MPP1: variants seen among roughly 807,000 people sequenced by gnomAD.
MPP1 encodes the protein 55 kDa erythrocyte membrane protein.
In MPP1, 6 loss-of-function variants were observed where a neutral mutation model predicts 38.2. The observed-to-expected ratio is 0.16, with a 90% CI of 0.09 to 0.31. The LOEUF (loss-of-function observed/expected upper bound fraction) is 0.31. MPP1 is among the 10% of genes least tolerant of loss of function. The probability of loss-of-function intolerance (pLI) is 1.00; values close to 1 mark genes in which losing one functional copy is unlikely to be tolerated. For missense variants in MPP1, 293 were observed against 368.9 expected (o/e 0.79, Z 1.69); for synonymous variants, 153 against 146.3 (o/e 1.05, Z -0.33).
chrX:154,788,368 G>A (rs1028143029), intron 5 of MPP1, among the ~76,000 whole-genome samples: 1 of 111,679 alleles, frequency 9.0e-6, no homozygotes, highest in African/African-American at 3.3e-5. Flanking sequence ...TCTTACAAAA[G>A]AGGATATCCA....
At chrX:154,802,222 C>T (rs148441061) in intron 1 of MPP1, among the ~76,000 whole-genome samples, 2 of 112,578 alleles carry the variant, frequency 1.8e-5, no homozygotes, top group African/African-American at 3.2e-5. Context: ...TGCTCCACAG[C>T]GCTCCACAGC....
intron 1 of MPP1, 121 bp downstream of exon 1, chrX:154,805,151 G>A: frequency 1.4e-6 from 1 of 716,155 alleles, no homozygotes; most frequent in Non-Finnish European, 2.0e-6. Context: ...CGCGGTCTCC[G>A]ACCTATGGCC....
At chrX:154,785,624 C>T (rs1199639956) in intron 6 of MPP1, among the ~76,000 whole-genome samples, 4 of 112,395 alleles carry the variant, frequency 3.6e-5, no homozygotes, top group South Asian at 7.3e-4. Context: ...TCAGTGTCAA[C>T]CCCACAATGG....
Position 154,805,319 on chromosome X carries a change from A to C in MPP1, c.55T>G (p.Ser19Ala). Residue 19 changes from serine (S) to alanine (A), a missense_variant, in exon 1 of 12, where the codon TCC (serine) becomes GCC (alanine). Ser to Ala is a moderately conservative substitution (Grantham distance 99, BLOSUM62 1). Coordinates refer to ENST00000369534, the MANE Select transcript of MPP1 (RefSeq NM_002436.4). ...AGCAAATGCTCCAGGTAGAGGTCGG[A>C]GAGCGCCGTGTGCATGCTGCCCCCA... ...ESGGSMHTALSDLYLEHLLQK... is the reference protein window; with the variant it reads ...ESGGSMHTALADLYLEHLLQK... 1 of 1,208,346 alleles carries C rather than the reference A, an allele frequency of 8.3e-7. No individual in the cohort carries two copies. The highest frequency in any genetic ancestry group is 3.0e-5 in the East Asian group (1 of 33,766).
chrX:154,784,511 A>G (rs1300884313), intron 7 of MPP1, among the ~76,000 whole-genome samples: 1 of 110,845 alleles, frequency 9.0e-6, no homozygotes, highest in Non-Finnish European at 1.9e-5. Context: ...CAGCTGCTCA[A>G]GATAGAGACC....
chrX:154,790,046 A>G lies in MPP1; in HGVS notation c.412-24T>C, dbSNP rs781932966. The G allele has an allele frequency of 4.9e-5, 52 of 1,057,964 alleles. No individual in the cohort carries two copies. In the Admixed American group the frequency reaches 7.2e-4, roughly 15 times the overall value. 87.2% of individuals were successfully genotyped at this position (1,057,964 alleles called of 1,213,427 possible). A position where few individuals can be genotyped will look rare whatever the true frequency, so the allele number is the denominator to read the frequency against. On this transcript the variant is annotated intron_variant, in intron 4 of 11. Coordinates refer to ENST00000369534, the MANE Select transcript of MPP1 (RefSeq NM_002436.4). ...TTCTATTAAAAAAAATGGACATAAA[A>G]TTGTACAGAAAACTAAGTTGAATGA...
Position 154,805,327 on chromosome X carries a change from G to A in MPP1, c.47C>T (p.Thr16Met), listed in dbSNP as rs141530265. 5.2e-4 allele frequency: 622 copies of A among 1,207,164 alleles called. No individual in the cohort carries two copies. The highest frequency in any genetic ancestry group is 6.3e-4 in the Non-Finnish European group (559 of 893,238). Residue 16 changes from threonine (T) to methionine (M), a missense_variant, in exon 1 of 12, where the codon ACG becomes ATG. Coordinates refer to ENST00000369534, the MANE Select transcript of MPP1 (RefSeq NM_002436.4). Reference protein sequence around the residue: ...SEGESGGSMHTALSDLYLEHL... With the variant: ...SEGESGGSMHMALSDLYLEHL... ...CTCCAGGTAGAGGTCGGAGAGCGCCGTGTGCATGCTGCCCCCACTCTCGCC... is the reference window on the plus strand; with the variant it reads ...CTCCAGGTAGAGGTCGGAGAGCGCCATGTGCATGCTGCCCCCACTCTCGCC...
intron 1 of MPP1, among the ~76,000 whole-genome samples, chrX:154,797,375 T>A (rs2072208844): frequency 8.9e-6 from 1 of 112,009 alleles, no homozygotes; most frequent in Admixed American, 9.4e-5. Flanking sequence ...CTAAAATAAT[T>A]TTGAAAAACA....
At chrX:154,804,199 C>T (rs781877464) in intron 1 of MPP1, among the ~76,000 whole-genome samples, 1 of 112,071 alleles carries the variant, frequency 8.9e-6, no homozygotes, top group African/African-American at 3.2e-5. Flanking sequence ...TACAGCTCTA[C>T]TGCTTGCCTT....
At chrX:154,781,929 C>A (rs782782490) in intron 9 of MPP1, 127 bp from the exon 10 acceptor site, 84 of 579,241 alleles carry the variant, frequency 1.5e-4, no homozygotes, top group Non-Finnish European at 2.2e-4. Context: ...AGGGGTTCCT[C>A]CCGTGGGCTC....
At chrX:154,799,832 G>A (rs1557268488) in intron 1 of MPP1, 1 of 1,165,825 alleles carries the variant, frequency 8.6e-7, no homozygotes, top group Non-Finnish European at 1.1e-6. Context: ...CGCTCTGAAA[G>A]CCCCTTCAGA....
intron 1 of MPP1, chrX:154,804,617 A>C: frequency 6.3e-6 from 2 of 316,612 alleles, no homozygotes; most frequent in South Asian, 5.9e-5. Flanking sequence ...AAAACGAAAT[A>C]TGAGAGACAA....
intron 5 of MPP1, among the ~76,000 whole-genome samples, chrX:154,789,749 G>C (rs1157929826): frequency 9.0e-6 from 1 of 111,167 alleles, no homozygotes; most frequent in African/African-American, 3.3e-5. Context: ...TCGTCACTAT[G>C]TTCTCCATTG....
intron 11 of MPP1, among the ~76,000 whole-genome samples, chrX:154,780,843 A>G (rs2071983661): frequency 9.1e-6 from 1 of 110,451 alleles, no homozygotes. Flanking sequence ...TTTTTGATAT[A>G]TTCCTGGCCT....
At chrX:154,783,009 C>T (rs1403832346) in intron 9 of MPP1, 1 of 112,789 alleles carries the variant, frequency 8.9e-6, no homozygotes, top group Non-Finnish European at 1.9e-5. Context: ...CTTTCCTAGG[C>T]ACTGCTTTGA....
At chrX:154,786,132 A>G in intron 6 of MPP1, 72 bp downstream of exon 6, 8 of 1,022,179 alleles carry the variant, frequency 7.8e-6, no homozygotes, top group Non-Finnish European at 1.1e-5. Context: ...TACAAACAAA[A>G]TGACAGATTT....
chrX:154,786,895 CAAAAAAAA>C (rs782470556), intron 5 of MPP1, among the ~76,000 whole-genome samples: 1 of 25,591 alleles, frequency 3.9e-5, no homozygotes, highest in Non-Finnish European at 5.7e-5. Flanking sequence ...GACTCCGTCT[CAAAAAAAA>C]AAAAAAAAAA....
intron 3 of MPP1, chrX:154,791,529 G>T: frequency 2.8e-6 from 1 of 358,110 alleles, no homozygotes; most frequent in South Asian, 7.6e-5. Context: ...GAAAAATATT[G>T]GTATAAATAG....
rs1193155645 is a variant in MPP1, at chrX:154,781,861, T to C, written c.947-59A>G. 4 of 1,099,132 alleles carry C rather than the reference T, an allele frequency of 3.6e-6. No homozygotes were observed. The African/African-American group carries it at 7.3e-5, about 20-fold the overall frequency. The allele number at this position is 1,099,132 out of a possible 1,213,427, so 90.6% of individuals were successfully genotyped here. A position where few individuals can be genotyped will look rare whatever the true frequency, so the allele number is the denominator to read the frequency against. ...CAGGTCCTCACCCTTTCATGAGGGC[T>C]TGGACCATGGTGTCTGTATGGAAAC... is the stretch of plus-strand genomic sequence containing the variant. On this transcript the variant is annotated intron_variant, in intron 9 of 11. Coordinates refer to ENST00000369534, the MANE Select transcript of MPP1 (RefSeq NM_002436.4).
Sources: allele counts gnomAD v4.1 joint callset (sites outside exome capture counted in the v4.1 genomes callset), GRCh38; gene constraint gnomAD v4.1.1; transcripts MANE v1.5; gene names NCBI Gene and HGNC (gene_info 2026-07-23, HGNC 2026-07-21).